BRWD1: variants seen among roughly 807,000 people sequenced by gnomAD.
BRWD1 encodes bromodomain and WD repeat-containing protein 1.
In BRWD1, 82 loss-of-function variants were observed where a neutral mutation model predicts 251.2. That is an observed-to-expected ratio of 0.33 (90% CI 0.27 to 0.39). The LOEUF (loss-of-function observed/expected upper bound fraction) is 0.39, where lower values mean the gene tolerates loss of function less well. BRWD1 is among the 10% of genes least tolerant of loss of function. BRWD1 has a pLI of 1.00. For missense variants in BRWD1, 2,233 were observed against 2,711.6 expected (o/e 0.82, Z 3.92); for synonymous variants, 918 against 902.8 (o/e 1.02, Z -0.30).
At position 39,264,682 on chromosome 21, in the gene BRWD1, G is replaced by C; in HGVS notation, c.1663C>G (p.Pro555Ala). 6.3e-7 allele frequency: 1 copy of C among 1,595,962 alleles called. No homozygotes were observed. The highest frequency in any genetic ancestry group is 2.2e-5 in the East Asian group (1 of 44,568). ...TCAGTATGGAAGAACATCTGATCAG[G>C]AATCTAGAAAAATGAAGTTCACAGG... ...FGCSKPYEKI[P>A]DQMFFHTDYR... Residue 555 changes from proline to alanine, a missense_variant, in exon 17 of 41, where the codon CCT becomes GCT. This residue lies in a region of BRWD1 where 315 missense variants were observed against 421.8 expected (regional missense o/e 0.75). Coordinates refer to ENST00000342449, the MANE Select transcript of BRWD1 (RefSeq NM_033656.4).
intron 32 of BRWD1, among the ~76,000 whole-genome samples, chr21:39,214,790 A>G (rs1278963750): frequency 6.6e-6 from 1 of 152,138 alleles, no homozygotes; most frequent in African/African-American, 2.4e-5. Context: ...ACTTTTACTT[A>G]AATTATGTAT....
At chr21:39,216,438 G>A (rs1293587435) in intron 31 of BRWD1, among the ~76,000 whole-genome samples, 3 of 152,208 alleles carry the variant, frequency 2.0e-5, no homozygotes, top group African/African-American at 2.4e-5. Context: ...TTGAGGCCCT[G>A]ACTCGGACCT....
chr21:39,296,245 C>G lies in BRWD1; in HGVS notation c.448+20G>C, dbSNP rs776988608. 5.1e-6 allele frequency: 8 copies of G among 1,559,788 alleles called. No individual in the cohort carries two copies. In the Admixed American group the frequency reaches 6.3e-5, roughly 12 times the overall value. The stretch of plus-strand genomic sequence containing the variant: ...TTAAAAACAATTATTTCAGGCATCT[C>G]AAAGGCCAACCTTACTTACCAAGAT... On this transcript the variant is annotated intron_variant, in intron 6 of 40. Transcript: ENST00000342449.
At chr21:39,246,257 G>A (rs2034185315) in intron 21 of BRWD1, among the ~76,000 whole-genome samples, 1 of 152,136 alleles carries the variant, frequency 6.6e-6, no homozygotes. Flanking sequence ...ATCTGAAGAA[G>A]CATCAAACAT....
chr21:39,238,565 G>A lies in BRWD1; in HGVS notation c.2490C>T (p.Ser830=), dbSNP rs774008594. The A allele has an allele frequency of 6.2e-7, 1 of 1,612,482 alleles. No homozygotes were observed. Among genetic ancestry groups the A allele is most frequent in the Non-Finnish European group, 8.5e-7 (1 of 1,178,934 alleles). Residue 830 remains serine (S), a synonymous_variant, in exon 22 of 41, where the codon TCC becomes TCT. Transcript: ENST00000342449. ...ESSSSVRHET[S]CDQSEGSGSS... ...AACCAGAACCTTCACTCTGATCACA[G>A]GAAGTCTCCTAATTTGTGAAGGGGG...
chr21:39,279,657 GA>G lies in BRWD1; in HGVS notation c.932+490del, dbSNP rs762764578. Among the ~76,000 whole-genome samples the G allele has an allele frequency of 6.6e-4, 73 of 111,024 alleles. 1 individual carries two copies. Among genetic ancestry groups the G allele is most frequent in the East Asian group, 2.5e-3 (9 of 3,642 alleles). 72.8% of individuals were successfully genotyped at this position (111,024 alleles called of 152,430 possible). A position where few individuals can be genotyped will look rare whatever the true frequency, so the allele number is the denominator to read the frequency against. ...CCATCTCAAAAAAAAAAAAAAAAAA[GA>G]AAAAAAAAAAGAAAACGAAAACAAA... On this transcript the variant is annotated intron_variant, in intron 9 of 40. Coordinates refer to ENST00000342449, the MANE Select transcript of BRWD1 (RefSeq NM_033656.4).
At chr21:39,249,915 GGTGTGTGTGT>G (rs368656743) in intron 20 of BRWD1, among the ~76,000 whole-genome samples, 1,448 of 68,594 alleles carry the variant, frequency 0.021, 19 homozygotes, top group Admixed American at 0.056. Flanking sequence ...AAAGAAGGGG[GGTGTGTGTGT>G]GTGTGTGTGT....
chr21:39,228,470 G>C, intron 27 of BRWD1, 30 bp downstream of exon 27: 3 of 1,449,564 alleles, frequency 2.1e-6, no homozygotes, highest in Non-Finnish European at 1.9e-6. Context: ...ATTTTTAAGG[G>C]TATATAAAAC....
At chr21:39,313,033 G>C in intron 3 of BRWD1, 39 bp downstream of exon 3, 1 of 1,341,958 alleles carries the variant, frequency 7.5e-7, no homozygotes, top group South Asian at 1.9e-5. Context: ...AGGTCGGCAG[G>C]AGGAACCCGA....
In BRWD1 at chr21:39,255,816, A is replaced by G. The variant is rs1401328425; in HGVS notation, c.2084T>C (p.Leu695Pro). 1 of 1,613,954 alleles carries G rather than the reference A, an allele frequency of 6.2e-7. No homozygotes were observed. Among genetic ancestry groups the G allele is most frequent in the African/African-American group, 1.3e-5 (1 of 74,926 alleles). The change falls in exon 19 of 41, where the codon CTG becomes CCG. Residue 695 changes from leucine to proline, a missense_variant. Leu to Pro is a moderately conservative substitution (Grantham distance 98). Coordinates refer to ENST00000342449, the MANE Select transcript of BRWD1 (RefSeq NM_033656.4). ...TGGAGGGGACTGAATGTCTAAGCTC[A>G]GCCTTCTAAAACCTAGGAAAATATG... ...EETPRRGFRR[L>P]SLDIQSPPNI... is the part of the protein sequence containing the mutation.
chr21:39,237,437 CT>C (rs1252555867), intron 22 of BRWD1, among the ~76,000 whole-genome samples: 1 of 152,214 alleles, frequency 6.6e-6, no homozygotes, highest in Non-Finnish European at 1.5e-5. Context: ...ATAAAGGACT[CT>C]ACTTGGGCCA....
rs2036528705 is a variant in BRWD1, at chr21:39,312,627, C to A, written c.198+214G>T. On this transcript the variant is annotated intron_variant, in intron 4 of 40. Transcript: ENST00000342449. ...CGCGAGTCGCCCCCACCGCTCCGCC[C>A]CGCGCCGCCCCCAATGACTGTTTCC... is the stretch of plus-strand genomic sequence containing the variant. 3 of 389,514 alleles carry A rather than the reference C, an allele frequency of 7.7e-6. No homozygotes were observed. The South Asian group carries it at 9.6e-5, about 12-fold the overall frequency. The allele number at this position is 389,514 out of a possible 1,614,324, so 24.1% of individuals were successfully genotyped here.
chr21:39,216,851 CAG>C (rs2032915416), intron 31 of BRWD1: 1 of 204,250 alleles, frequency 4.9e-6, no homozygotes, highest in Non-Finnish European at 9.9e-6. Flanking sequence ...ACTTGTGCCA[CAG>C]GGGTTGGCTA....
chr21:39,187,376 TTC>T lies in BRWD1; in HGVS notation c.*8881_*8882del. The stretch of plus-strand genomic sequence containing the variant: ...GCATCCTTCTGATTATGCATACATG[TTC>T]TCACTTTTGTATTGGGTTCTCTGTC... On this transcript the variant is annotated 3_prime_UTR_variant, in exon 41 of 41. Coordinates refer to ENST00000342449, the MANE Select transcript of BRWD1 (RefSeq NM_033656.4). 2 of 1,602,664 alleles carry T rather than the reference TTC, an allele frequency of 1.2e-6. No homozygotes were observed. Among genetic ancestry groups the T allele is most frequent in the Non-Finnish European group, 1.7e-6 (2 of 1,176,028 alleles).
chr21:39,190,846 T>A lies in BRWD1; in HGVS notation c.*5413A>T, dbSNP rs1329948691. On this transcript the variant is annotated 3_prime_UTR_variant, in exon 41 of 41. Coordinates refer to ENST00000342449, the MANE Select transcript of BRWD1 (RefSeq NM_033656.4). ...CATCAGAAATAATTCCATGAACTAG[T>A]TCATTAGCTTATTCATTTTTAGGGT... is the stretch of plus-strand genomic sequence containing the variant. 1 of 985,220 alleles carries A rather than the reference T, an allele frequency of 1.0e-6. No individual in the cohort carries two copies. Among genetic ancestry groups the A allele is most frequent in the Non-Finnish European group, 1.2e-6 (1 of 829,896 alleles). The allele number at this position is 985,220 out of a possible 1,614,324, so 61.0% of individuals were successfully genotyped here.
intron 1 of BRWD1, 58 bp downstream of exon 1, chr21:39,313,385 G>C (rs1601524811): frequency 1.4e-5 from 19 of 1,390,070 alleles, no homozygotes; most frequent in African/African-American, 4.4e-5. Context: ...CCGGGGAGCC[G>C]GGGAAGCCGA....
chr21:39,313,728 G>A (rs74930105), upstream of BRWD1: 42,751 of 385,456 alleles, frequency 0.11, 2,684 homozygotes, highest in Non-Finnish European at 0.13. Flanking sequence ...AGAGAGGACC[G>A]GAGCTCGTGT....
At chr21:39,245,630 C>T (rs1011180698) in intron 21 of BRWD1, among the ~76,000 whole-genome samples, 6 of 147,020 alleles carry the variant, frequency 4.1e-5, no homozygotes, top group Non-Finnish European at 7.4e-5. Flanking sequence ...ACAAGAGTCT[C>T]GCTCTGATGC....
At chr21:39,254,205 C>G (rs1175890680) in intron 19 of BRWD1, among the ~76,000 whole-genome samples, 2 of 152,202 alleles carry the variant, frequency 1.3e-5, no homozygotes, top group Non-Finnish European at 2.9e-5. Flanking sequence ...GCAGAGGTTG[C>G]AGTGAGCCAA....
Sources: gnomAD v4.1 joint callset for allele counts (sites outside exome capture counted in the v4.1 genomes callset) on GRCh38, gnomAD v4.1.1 for gene constraint, gnomAD v4.1.1 regional missense constraint, MANE v1.5 for transcripts, NCBI Gene and HGNC (gene_info 2026-07-23, HGNC 2026-07-21) for gene names.